PIK3C2G: variants seen among roughly 807,000 people sequenced by gnomAD.
PIK3C2G encodes the protein phosphatidylinositol-4-phosphate 3-kinase catalytic subunit type 2 gamma, also known as phosphatidylinositol 3-kinase C2 domain-containing subunit gamma.
In PIK3C2G, 168 loss-of-function variants were observed where a neutral mutation model predicts 181.1. That is an observed-to-expected ratio of 0.93 (90% CI 0.82 to 1.05). The LOEUF (loss-of-function observed/expected upper bound fraction) is 1.05, where lower values mean the gene tolerates loss of function less well. Ranked by LOEUF, PIK3C2G falls within the 50% of genes least tolerant of loss-of-function variation. The pLI is 0.00. For synonymous variants in PIK3C2G, 573 were observed against 592.2 expected (o/e 0.97, Z 0.47); for missense variants, 1,869 against 1,732.8 (o/e 1.08, Z -1.40).
chr12:18,621,146 AAT>A (rs1407339043), intron 31 of PIK3C2G, among the ~76,000 whole-genome samples: 1 of 151,856 alleles, frequency 6.6e-6, no homozygotes, highest in African/African-American at 2.4e-5. Context: ...AGCATCTGGG[AAT>A]AGAGGCTGAG....
chr12:18,289,336 C>T (rs1371106227), intron 3 of PIK3C2G, among the ~76,000 whole-genome samples: 1 of 151,868 alleles, frequency 6.6e-6, no homozygotes, highest in African/African-American at 2.4e-5. Flanking sequence ...AGTTTCTGGC[C>T]CATGGTAGAT....
intron 18 of PIK3C2G, among the ~76,000 whole-genome samples, chr12:18,474,614 C>T (rs1279202800): frequency 6.6e-6 from 1 of 151,882 alleles, no homozygotes; most frequent in Non-Finnish European, 1.5e-5. Flanking sequence ...TCTTCTGTTG[C>T]TAATTGAAAT....
intron 5 of PIK3C2G, among the ~76,000 whole-genome samples, chr12:18,308,148 G>A (rs1950495649): frequency 6.6e-6 from 1 of 151,794 alleles, no homozygotes. Context: ...GATCAAAATT[G>A]TGGTCTTGCC....
Position 18,590,766 on chromosome 12 carries a change from A to G in PIK3C2G, c.4012-3728A>G, listed in dbSNP as rs930695299. 4.0e-5 allele frequency among the ~76,000 whole-genome samples: 6 copies of G among 151,898 alleles called. No homozygotes were observed. In the East Asian group the frequency reaches 1.2e-3, roughly 29 times the overall value. ...TTTTTGTACCTTCTTCATCTCTTTT[A>G]TTGATTTATCCCTCTCTTGACTCTG... On this transcript the variant is annotated intron_variant, in intron 29 of 32. Transcript: ENST00000538779.
At chr12:18,580,614 G>T in intron 29 of PIK3C2G, among the ~76,000 whole-genome samples, 1 of 152,090 alleles carries the variant, frequency 6.6e-6, no homozygotes, top group Non-Finnish European at 1.5e-5. Context: ...CTAAAATGTT[G>T]ATGACATTTT....
the PIK3C2G span, among the ~76,000 whole-genome samples, chr12:18,654,894 G>A: frequency 6.6e-6 from 1 of 152,138 alleles, no homozygotes; most frequent in African/African-American, 2.4e-5. Flanking sequence ...AAATGTTTTG[G>A]TCAGAGAGTG....
chr12:18,482,163 C>T (rs1305914245), intron 18 of PIK3C2G, among the ~76,000 whole-genome samples: 1 of 149,982 alleles, frequency 6.7e-6, no homozygotes, highest in Non-Finnish European at 1.5e-5. Context: ...CCACCCGCCC[C>T]CCGCCACCCT....
At chr12:18,470,916 CTAATT>C (rs1453748406) in intron 18 of PIK3C2G, among the ~76,000 whole-genome samples, 2 of 152,004 alleles carry the variant, frequency 1.3e-5, no homozygotes, top group African/African-American at 4.8e-5. Context: ...TATCATCAAA[CTAATT>C]TACTTTATTT....
intron 1 of PIK3C2G, among the ~76,000 whole-genome samples, chr12:18,275,920 T>C (rs1006706557): frequency 6.6e-6 from 1 of 152,174 alleles, no homozygotes; most frequent in Non-Finnish European, 1.5e-5. Context: ...ACAGTTGTAA[T>C]GTAAAAAAAT....
intron 18 of PIK3C2G, among the ~76,000 whole-genome samples, chr12:18,480,369 T>TTTA (rs1469905744): frequency 1.1e-4 from 16 of 152,272 alleles, no homozygotes; most frequent in Middle Eastern, 3.4e-3. Context: ...GACAGTCCCT[T>TTTA]CTCTTAAACC....
At chr12:18,342,244 T>C (rs1248430220) in intron 9 of PIK3C2G, among the ~76,000 whole-genome samples, 4 of 152,112 alleles carry the variant, frequency 2.6e-5, no homozygotes, top group African/African-American at 7.2e-5. Flanking sequence ...TAGCAACTGA[T>C]ACTATACTCT....
chr12:18,385,542 C>T (rs950244521), intron 14 of PIK3C2G, among the ~76,000 whole-genome samples: 5 of 151,982 alleles, frequency 3.3e-5, no homozygotes, highest in African/African-American at 7.2e-5. Flanking sequence ...AGAATTCATG[C>T]GGTTCTTGTT....
intron 24 of PIK3C2G, among the ~76,000 whole-genome samples, chr12:18,518,630 T>C (rs1942712389): frequency 6.6e-6 from 1 of 152,162 alleles, no homozygotes; most frequent in Admixed American, 6.5e-5. Flanking sequence ...TCTCTTTTCT[T>C]CTTTATTATT....
chr12:18,521,424 A>G (rs900478095), intron 24 of PIK3C2G, among the ~76,000 whole-genome samples: 1 of 152,144 alleles, frequency 6.6e-6, no homozygotes, highest in Non-Finnish European at 1.5e-5. Context: ...GGGAGATCAG[A>G]GTTCTGTCCC....
In PIK3C2G at chr12:18,421,019, C is replaced by G. The variant is rs370783463; in HGVS notation, c.2394C>G (p.Leu798=). 296 of 1,577,932 alleles carry G rather than the reference C, an allele frequency of 1.9e-4. 1 individual carries two copies. The South Asian group carries it at 2.3e-3, about 12-fold the overall frequency. Residue 798 remains leucine, a synonymous_variant, in exon 17 of 33, where the codon CTC becomes CTG. Coordinates refer to ENST00000538779, the MANE Select transcript of PIK3C2G (RefSeq NM_001288772.2). ...TGAATGATGAACTACTGGAATATCT[C>G]CCACAGCTAGTTCAGGTAAGAATAG... ...NLLNDELLEY[L]PQLVQAVKFE...
At chr12:18,344,139 A>G (rs1939417980) in intron 10 of PIK3C2G, among the ~76,000 whole-genome samples, 2 of 152,098 alleles carry the variant, frequency 1.3e-5, no homozygotes, top group Non-Finnish European at 2.9e-5. Flanking sequence ...TGTAGATGGT[A>G]CTTGGCACAG....
chr12:18,635,062 T>C (rs73070279), intron 31 of PIK3C2G, among the ~76,000 whole-genome samples: 5,332 of 152,322 alleles, frequency 0.035, 98 homozygotes, highest in Middle Eastern at 0.061. Context: ...GGTGAACTGC[T>C]TGAAATTTTG....
chr12:18,510,557 A>G (rs977235796), intron 24 of PIK3C2G, among the ~76,000 whole-genome samples: 2 of 152,090 alleles, frequency 1.3e-5, no homozygotes, highest in Non-Finnish European at 2.9e-5. Context: ...CAGTGTTTTC[A>G]TATTCTATAT....
At chr12:18,539,227 T>G (rs1450079091) in intron 25 of PIK3C2G, among the ~76,000 whole-genome samples, 1 of 151,936 alleles carries the variant, frequency 6.6e-6, no homozygotes, top group Admixed American at 6.6e-5. Context: ...CCCAAAAGAC[T>G]ATTTCCTTAT....
Sources: gnomAD v4.1 joint callset for allele counts (sites outside exome capture counted in the v4.1 genomes callset) on GRCh38, gnomAD v4.1.1 for gene constraint, MANE v1.5 for transcripts, NCBI Gene and HGNC (gene_info 2026-07-23, HGNC 2026-07-21) for gene names.